TRDN: variants seen among roughly 807,000 people sequenced by gnomAD.
The protein encoded by TRDN is triadin, also known as triadin in skeletal muscle.
Under a neutral mutation model 149.7 loss-of-function variants are expected in TRDN, and 161 were observed. The ratio of observed to expected loss-of-function variants is 1.08; its 90% CI spans 0.95 to 1.23. The LOEUF (loss-of-function observed/expected upper bound fraction) is 1.23, where lower values mean the gene tolerates loss of function less well. TRDN is among the 50% of genes most tolerant of loss of function. The probability of loss-of-function intolerance (pLI) is 0.00; values close to 1 mark genes in which losing one functional copy is unlikely to be tolerated. For missense variants in TRDN, 896 were observed against 823.5 expected (o/e 1.09, Z -1.08); for synonymous variants, 294 against 250.5 (o/e 1.17, Z -1.64).
intron 5 of TRDN, among the ~76,000 whole-genome samples, chr6:123,521,110 A>C (rs920225544): frequency 1.2e-4 from 19 of 152,138 alleles, no homozygotes; most frequent in African/African-American, 4.3e-4. Context: ...ATTGTTTCCC[A>C]AAAACTGAAG....
intron 1 of TRDN, among the ~76,000 whole-genome samples, chr6:123,612,506 C>T (rs935379526): frequency 4.0e-5 from 6 of 151,596 alleles, no homozygotes; most frequent in Admixed American, 2.0e-4. Context: ...CCCAGCTACT[C>T]GGGAGGCTGA....
chr6:123,458,690 T>C (rs540771006), intron 10 of TRDN, among the ~76,000 whole-genome samples: 1 of 152,204 alleles, frequency 6.6e-6, no homozygotes, highest in Non-Finnish European at 1.5e-5. Flanking sequence ...TAAATCAATG[T>C]GTTCTACATT....
At chr6:123,256,609 C>G (rs1482972288) in intron 35 of TRDN, among the ~76,000 whole-genome samples, 3 of 150,380 alleles carry the variant, frequency 2.0e-5, no homozygotes, top group Non-Finnish European at 4.5e-5. Flanking sequence ...AATATGTTTG[C>G]CTTCTTTTGA....
intron 12 of TRDN, among the ~76,000 whole-genome samples, chr6:123,419,560 CA>C (rs1331951336): frequency 2.0e-5 from 3 of 151,832 alleles, no homozygotes; most frequent in East Asian, 1.9e-4. Flanking sequence ...TGTTTATAGA[CA>C]GGGGGCGGGT....
intron 1 of TRDN, among the ~76,000 whole-genome samples, chr6:123,578,890 T>C (rs1280866544): frequency 2.6e-5 from 4 of 152,080 alleles, no homozygotes; most frequent in African/African-American, 9.7e-5. Flanking sequence ...TACTCCTAGG[T>C]GGTTTTTTCG....
intron 2 of TRDN, among the ~76,000 whole-genome samples, chr6:123,548,966 TGTATG>T (rs1781254293): frequency 6.6e-6 from 1 of 152,058 alleles, no homozygotes; most frequent in Non-Finnish European, 1.5e-5. Context: ...CAGCACATAT[TGTATG>T]GGACAGCATT....
chr6:123,437,992 G>C, intron 12 of TRDN, 71 bp downstream of exon 12: 2 of 1,303,802 alleles, frequency 1.5e-6, no homozygotes, highest in Non-Finnish European at 2.2e-6. Flanking sequence ...TGTGTATGTT[G>C]CATGAGGAGT....
intron 24 of TRDN, among the ~76,000 whole-genome samples, chr6:123,295,407 T>C (rs1343509418): frequency 6.6e-6 from 1 of 152,210 alleles, no homozygotes; most frequent in East Asian, 1.9e-4. Context: ...AGGCTATTTT[T>C]ATGTACCTTT....
intron 5 of TRDN, among the ~76,000 whole-genome samples, chr6:123,526,997 A>T (rs1487859306): frequency 1.3e-5 from 2 of 152,042 alleles, no homozygotes; most frequent in African/African-American, 4.8e-5. Flanking sequence ...AATTCTTATG[A>T]CAACTCTATT....
intron 22 of TRDN, among the ~76,000 whole-genome samples, chr6:123,335,906 C>A (rs1362737040): frequency 6.6e-6 from 1 of 151,908 alleles, no homozygotes; most frequent in Non-Finnish European, 1.5e-5. Flanking sequence ...GTTTTCATGA[C>A]AATTTTGATT....
At chr6:123,554,224 C>A (rs1272927930) in intron 2 of TRDN, among the ~76,000 whole-genome samples, 1 of 152,034 alleles carries the variant, frequency 6.6e-6, no homozygotes, top group Admixed American at 6.6e-5. Flanking sequence ...AAACCAGGAA[C>A]AATTAAACTT....
chr6:123,591,176 G>GA lies in TRDN; in HGVS notation c.23-20045dup, dbSNP rs1006271355. Among the ~76,000 whole-genome samples the GA allele has an allele frequency of 3.9e-5, 6 of 152,096 alleles. No homozygotes were observed. The South Asian group carries it at 6.2e-4, about 16-fold the overall frequency. ...AGTAAAATATTTAAGAATTTTGTGA[G>GA]AAAAAATATATATTTAAATATGGAC... On this transcript the variant is annotated intron_variant, in intron 1 of 40. Transcript: ENST00000334268.
At chr6:123,478,103 T>C (rs1475714531) in intron 9 of TRDN, among the ~76,000 whole-genome samples, 1 of 149,848 alleles carries the variant, frequency 6.7e-6, no homozygotes, top group South Asian at 2.1e-4. Context: ...AAAAACCTAA[T>C]ATAAGATTAA....
intron 1 of TRDN, among the ~76,000 whole-genome samples, chr6:123,631,923 T>A (rs1640417873): frequency 6.6e-6 from 1 of 152,044 alleles, no homozygotes; most frequent in Non-Finnish European, 1.5e-5. Flanking sequence ...TGAATGTGTA[T>A]CTCCAAATAA....
At chr6:123,314,226 C>T (rs1778938790) in intron 24 of TRDN, among the ~76,000 whole-genome samples, 5 of 151,888 alleles carry the variant, frequency 3.3e-5, no homozygotes, top group Admixed American at 3.3e-4. Flanking sequence ...GACATACATG[C>T]AGCCAATAAG....
chr6:123,252,560 G>T, intron 37 of TRDN, 125 bp from the exon 38 acceptor site: 1 of 502,342 alleles, frequency 2.0e-6, no homozygotes, highest in Non-Finnish European at 3.6e-6. Context: ...AATCAATGAA[G>T]AAATACAGTC....
At position 123,512,378 on chromosome 6, in the gene TRDN, T is replaced by C; in HGVS notation, c.551-16A>G. On this transcript the variant is annotated splice_polypyrimidine_tract_variant and intron_variant, in intron 6 of 40. Coordinates refer to ENST00000334268, the MANE Select transcript of TRDN (RefSeq NM_006073.4). ...TTGTGAGTTGCTTAAACAGAAAATTTTACATTAGTACACATTTTTAATAGA... is the reference window on the plus strand; with the variant it reads ...TTGTGAGTTGCTTAAACAGAAAATTCTACATTAGTACACATTTTTAATAGA... The C allele has an allele frequency of 7.0e-7, 1 of 1,421,274 alleles. No homozygotes were observed. 88.0% of individuals were successfully genotyped at this position (1,421,274 alleles called of 1,614,324 possible).
chr6:123,630,860 T>G (rs976022446), intron 1 of TRDN, among the ~76,000 whole-genome samples: 5 of 152,104 alleles, frequency 3.3e-5, no homozygotes, highest in Admixed American at 1.3e-4. Context: ...CTTGTAAAAT[T>G]TTTAAAAATT....
intron 7 of TRDN, among the ~76,000 whole-genome samples, 186 bp from the exon 8 acceptor site, chr6:123,504,087 T>A (rs1050301900): frequency 6.6e-6 from 1 of 151,758 alleles, no homozygotes; most frequent in Non-Finnish European, 1.5e-5. Flanking sequence ...TAAACACTTG[T>A]GACTTACCAG....
Sources: gnomAD v4.1 joint callset for allele counts (sites outside exome capture counted in the v4.1 genomes callset) on GRCh38, gnomAD v4.1.1 for gene constraint, MANE v1.5 for transcripts, NCBI Gene and HGNC (gene_info 2026-07-23, HGNC 2026-07-21) for gene names.